The following CARMIL1 variants were observed in gnomAD, a reference collection of about 807,000 sequenced individuals.
CARMIL1 encodes F-actin-uncapping protein LRRC16A.
CARMIL1 carries 90 observed loss-of-function variants against 177.1 expected under a neutral mutation model. That is an observed-to-expected ratio of 0.51 (90% CI 0.43 to 0.61). The LOEUF is 0.61. Ranked by LOEUF, CARMIL1 falls within the 20% of genes least tolerant of loss-of-function variation. The pLI is 0.00. For synonymous variants in CARMIL1, 577 were observed against 606.2 expected (o/e 0.95, Z 0.71); for missense variants, 1,380 against 1,667.0 (o/e 0.83, Z 3.00).
intron 8 of CARMIL1, among the ~76,000 whole-genome samples, chr6:25,450,920 T>G (rs1300782180): frequency 1.4e-4 from 1 of 7,038 alleles, no homozygotes; most frequent in African/African-American, 4.7e-4. Flanking sequence ...CCTTCTCCTC[T>G]CCTCTCCTCT....
intron 2 of CARMIL1, among the ~76,000 whole-genome samples, chr6:25,414,933 G>A (rs531213635): frequency 1.3e-5 from 2 of 152,240 alleles, no homozygotes; most frequent in African/African-American, 2.4e-5. Flanking sequence ...ATTTTGATCT[G>A]TATCCAACTT....
In CARMIL1 at chr6:25,354,002, C is replaced by A. The variant is rs140630388; in HGVS notation, c.139-66112C>A. Among the ~76,000 whole-genome samples, 391 of 152,148 alleles carry A rather than the reference C, an allele frequency of 2.6e-3. 2 individuals are homozygous for A. The highest frequency in any genetic ancestry group is 8.2e-3 in the African/African-American group (339 of 41,500). ...GCTACTGGCATCTATGGGGTAGAGG[C>A]CAGGGATTCTGATAATGCACAGATA... On this transcript the variant is annotated intron_variant, in intron 2 of 36. Coordinates refer to ENST00000329474, the MANE Select transcript of CARMIL1 (RefSeq NM_017640.6).
At chr6:25,408,557 A>G (rs113233451) in intron 2 of CARMIL1, among the ~76,000 whole-genome samples, 5,761 of 152,252 alleles carry the variant, frequency 0.038, 327 homozygotes, top group African/African-American at 0.12. Flanking sequence ...TGAGGTATAT[A>G]TTGTGATCCC....
chr6:25,465,971 A>G (rs1278523256), intron 9 of CARMIL1, 23 bp downstream of exon 9: 6 of 1,555,478 alleles, frequency 3.9e-6, no homozygotes, highest in South Asian at 1.1e-5. Context: ...ACATGCAGCA[A>G]ATGTTGCTTG....
intron 17 of CARMIL1, among the ~76,000 whole-genome samples, chr6:25,505,016 G>A (rs1480243144): frequency 6.6e-6 from 1 of 152,106 alleles, no homozygotes; most frequent in Non-Finnish European, 1.5e-5. Context: ...AGCTTTATTT[G>A]GAATGTCAGA....
intron 2 of CARMIL1, among the ~76,000 whole-genome samples, chr6:25,310,839 T>C (rs1561966952): frequency 6.6e-6 from 1 of 152,170 alleles, no homozygotes; most frequent in Non-Finnish European, 1.5e-5. Context: ...TGGGAGCATA[T>C]GTAAGATTTG....
intron 29 of CARMIL1, among the ~76,000 whole-genome samples, chr6:25,573,470 C>G (rs763282305): frequency 6.7e-6 from 1 of 150,216 alleles, no homozygotes; most frequent in African/African-American, 2.5e-5. Flanking sequence ...AGTTGAAATT[C>G]TTGTAGGTTT....
chr6:25,397,064 A>AG (rs1793468658), intron 2 of CARMIL1, among the ~76,000 whole-genome samples: 2 of 152,280 alleles, frequency 1.3e-5, no homozygotes, highest in Admixed American at 1.3e-4. Context: ...ACACTTATTG[A>AG]GGGGGGATAC....
chr6:25,474,394 C>T (rs373013422), intron 11 of CARMIL1, among the ~76,000 whole-genome samples: 2 of 151,964 alleles, frequency 1.3e-5, no homozygotes, highest in South Asian at 2.1e-4. Context: ...GGATTACAGG[C>T]GTGAGCCACC....
At chr6:25,480,964 C>T (rs1802071611) in intron 11 of CARMIL1, among the ~76,000 whole-genome samples, 1 of 151,912 alleles carries the variant, frequency 6.6e-6, no homozygotes, top group South Asian at 2.1e-4. Context: ...TTGTGATCCG[C>T]CCTCCTCGGC....
chr6:25,555,991 A>T (rs1485451918), intron 28 of CARMIL1, among the ~76,000 whole-genome samples: 3 of 152,210 alleles, frequency 2.0e-5, no homozygotes, highest in Admixed American at 2.0e-4. Context: ...TTATAAGGAA[A>T]GAGATTAAGT....
intron 5 of CARMIL1, 24 bp from the exon 6 acceptor site, chr6:25,449,874 G>GTGT (rs762337596): frequency 6.9e-6 from 10 of 1,452,788 alleles, no homozygotes; most frequent in Non-Finnish European, 8.6e-6. Context: ...TTTGTGAAAT[G>GTGT]TGTTGTTGTT....
intron 33 of CARMIL1, among the ~76,000 whole-genome samples, chr6:25,602,458 C>G (rs1484774818): frequency 6.6e-6 from 1 of 152,182 alleles, no homozygotes; most frequent in East Asian, 1.9e-4. Context: ...ATGACATTTA[C>G]TAGAGTGTTT....
At chr6:25,548,991 G>A (rs1488921263) in intron 26 of CARMIL1, among the ~76,000 whole-genome samples, 1 of 152,188 alleles carries the variant, frequency 6.6e-6, no homozygotes, top group African/African-American at 2.4e-5. Context: ...GTACTGTTGG[G>A]ATAGAGGTGG....
At chr6:25,573,401 A>ATCT (rs1554227105) in intron 29 of CARMIL1, among the ~76,000 whole-genome samples, 1 of 151,720 alleles carries the variant, frequency 6.6e-6, no homozygotes, top group Non-Finnish European at 1.5e-5. Context: ...CTGCCTACAC[A>ATCT]CCTGTTTCTA....
intron 2 of CARMIL1, among the ~76,000 whole-genome samples, chr6:25,297,071 G>T (rs1386373148): frequency 3.9e-5 from 6 of 152,214 alleles, no homozygotes; most frequent in African/African-American, 1.4e-4. Context: ...GAGACTACAG[G>T]CACAGGCCAC....
At chr6:25,605,211 A>G (rs1815839744) in intron 34 of CARMIL1, among the ~76,000 whole-genome samples, 1 of 152,162 alleles carries the variant, frequency 6.6e-6, no homozygotes, top group African/African-American at 2.4e-5. Context: ...GGCAGCATAC[A>G]GGATCATGGC....
chr6:25,329,957 C>T (rs1785459707), intron 2 of CARMIL1, among the ~76,000 whole-genome samples: 1 of 152,214 alleles, frequency 6.6e-6, no homozygotes, highest in Admixed American at 6.5e-5. Flanking sequence ...TTGTGCAAAG[C>T]ACTTGATCCT....
Position 25,369,786 on chromosome 6 carries a change from T to C in CARMIL1, c.139-50328T>C, listed in dbSNP as rs78684019. ...TGAATTTTCCCCTTGACTTGGAAACTTTTGTGAAGAAACTGAAAGGTGCTT... is the reference window on the plus strand; with the variant it reads ...TGAATTTTCCCCTTGACTTGGAAACCTTTGTGAAGAAACTGAAAGGTGCTT... On this transcript the variant is annotated intron_variant, in intron 2 of 36. Coordinates refer to ENST00000329474, the MANE Select transcript of CARMIL1 (RefSeq NM_017640.6). 0.013 allele frequency among the ~76,000 whole-genome samples: 1,955 copies of C among 152,284 alleles called. 70 individuals carry two copies. In the East Asian group the frequency reaches 0.14, roughly 11 times the overall value.
Sources: allele counts gnomAD v4.1 joint callset (sites outside exome capture counted in the v4.1 genomes callset), GRCh38; gene constraint gnomAD v4.1.1; transcripts MANE v1.5; gene names NCBI Gene and HGNC (gene_info 2026-07-23, HGNC 2026-07-21).